FGF13: variants seen among roughly 807,000 people sequenced by gnomAD.
FGF13 encodes fibroblast growth factor homologous factor 2.
Under a neutral mutation model 19.5 loss-of-function variants are expected in FGF13, and 2 were observed. The observed-to-expected ratio is 0.10, with a 90% CI of 0.04 to 0.32. The LOEUF is 0.32. Ranked by LOEUF, FGF13 falls within the 10% of genes least tolerant of loss-of-function variation. The probability of loss-of-function intolerance (pLI) is 1.00; values close to 1 mark genes in which losing one functional copy is unlikely to be tolerated. For synonymous variants in FGF13, 72 were observed against 76.9 expected (o/e 0.94, Z 0.33); for missense variants, 113 against 192.7 (o/e 0.59, Z 2.45).
At chrX:138,799,170 C>A (rs1008751445) in intron 3 of FGF13, among the ~76,000 whole-genome samples, 2 of 111,704 alleles carry the variant, frequency 1.8e-5, no homozygotes, top group African/African-American at 6.5e-5. Context: ...GATTTTAGAT[C>A]TTTCCCACTT....
At chrX:139,070,040 C>T (rs1271394672) in intron 1 of FGF13, among the ~76,000 whole-genome samples, 1 of 111,850 alleles carries the variant, frequency 8.9e-6, no homozygotes, top group African/African-American at 3.3e-5. Context: ...AGAAGAAAAC[C>T]TAGGCAATAC....
At chrX:138,848,610 C>A (rs1052240687) in intron 3 of FGF13, among the ~76,000 whole-genome samples, 1 of 111,628 alleles carries the variant, frequency 9.0e-6, no homozygotes, top group East Asian at 2.8e-4. Context: ...AAACTAGTAA[C>A]TAAAAGTTGA....
chrX:138,960,250 G>A (rs1249738682), intron 1 of FGF13, among the ~76,000 whole-genome samples: 1 of 111,713 alleles, frequency 9.0e-6, no homozygotes, highest in Admixed American at 9.5e-5. Context: ...TTGCTTGTCT[G>A]TAAAGGATTT....
At chrX:138,792,323 G>A (rs1275148819) in intron 3 of FGF13, among the ~76,000 whole-genome samples, 1 of 112,163 alleles carries the variant, frequency 8.9e-6, no homozygotes. Flanking sequence ...TTCAGATTAG[G>A]AAACTAAGGT....
intron 3 of FGF13, among the ~76,000 whole-genome samples, chrX:138,680,388 A>G (rs1363050688): frequency 8.9e-6 from 1 of 112,029 alleles, no homozygotes; most frequent in Non-Finnish European, 1.9e-5. Context: ...TATGGCAGCT[A>G]TGGCCTTATG....
chrX:138,713,964 C>T (rs1006058948), upstream of FGF13, among the ~76,000 whole-genome samples: 1 of 111,444 alleles, frequency 9.0e-6, no homozygotes, highest in Non-Finnish European at 1.9e-5. Context: ...TTGTAGATGT[C>T]CTTCTTGCTC....
At chrX:138,789,633 A>G (rs1436299218) in intron 3 of FGF13, among the ~76,000 whole-genome samples, 2 of 111,106 alleles carry the variant, frequency 1.8e-5, no homozygotes, top group African/African-American at 6.6e-5. Context: ...TCTGGTATCT[A>G]GTTCCAAAGC....
At chrX:139,133,576 G>T (rs1036379724) in intron 1 of FGF13, among the ~76,000 whole-genome samples, 1 of 110,838 alleles carries the variant, frequency 9.0e-6, no homozygotes, top group Non-Finnish European at 1.9e-5. Flanking sequence ...TCACAACTAT[G>T]CAATTATAGT....
At chrX:138,929,918 T>C (rs906156569) in intron 1 of FGF13, among the ~76,000 whole-genome samples, 1 of 108,189 alleles carries the variant, frequency 9.2e-6, no homozygotes, top group Non-Finnish European at 1.9e-5. Context: ...TATCAAAAGA[T>C]TATAAAATCT....
intron 1 of FGF13, among the ~76,000 whole-genome samples, chrX:138,872,497 T>C (rs1487821423): frequency 8.9e-6 from 1 of 112,005 alleles, no homozygotes; most frequent in Non-Finnish European, 1.9e-5. Flanking sequence ...ACACCATTCT[T>C]GTTTCTGTCC....
intron 1 of FGF13, among the ~76,000 whole-genome samples, chrX:139,066,266 G>C (rs1472197700): frequency 1.8e-5 from 2 of 111,372 alleles, no homozygotes; most frequent in Non-Finnish European, 3.8e-5. Context: ...AAAAGAACTA[G>C]AGAAGGAAGA....
intron 2 of FGF13, 122 bp downstream of exon 2, chrX:138,708,696 T>C (rs1161528604): frequency 1.6e-5 from 8 of 497,642 alleles, no homozygotes; most frequent in Non-Finnish European, 2.8e-5. Flanking sequence ...AACAGGATTA[T>C]GTAGTGTGAA....
At chrX:139,083,869 T>TA (rs1162404250) in intron 1 of FGF13, among the ~76,000 whole-genome samples, 1 of 107,861 alleles carries the variant, frequency 9.3e-6, no homozygotes, top group East Asian at 2.9e-4. Context: ...CCTTCTCAAA[T>TA]AAAAAAATAA....
upstream of FGF13, chrX:139,204,772 C>G (rs940784503): frequency 8.8e-6 from 1 of 113,203 alleles, no homozygotes; most frequent in South Asian, 3.6e-4. Context: ...ACCGCAGAGT[C>G]GCGCAGCTTC....
chrX:138,884,598 A>G (rs1419192623), intron 1 of FGF13, among the ~76,000 whole-genome samples: 1 of 112,222 alleles, frequency 8.9e-6, no homozygotes, highest in African/African-American at 3.2e-5. Flanking sequence ...AAGTTGATAC[A>G]AGGAATATCT....
At chrX:139,185,730 T>C (rs1430133049) in intron 1 of FGF13, among the ~76,000 whole-genome samples, 1 of 111,885 alleles carries the variant, frequency 8.9e-6, no homozygotes, top group Non-Finnish European at 1.9e-5. Flanking sequence ...AGGTCTATTA[T>C]AAACACTAAA....
intron 3 of FGF13, among the ~76,000 whole-genome samples, chrX:138,656,320 G>A (rs2089437511): frequency 8.9e-6 from 1 of 111,808 alleles, no homozygotes. Context: ...AGAAATAGCT[G>A]ACATTTATTC....
intron 1 of FGF13, among the ~76,000 whole-genome samples, chrX:139,007,293 G>T (rs2092106415): frequency 9.0e-6 from 1 of 110,718 alleles, no homozygotes; most frequent in East Asian, 2.8e-4. Context: ...TTTGGCAAGA[G>T]GATACAATAA....
intron 2 of FGF13, among the ~76,000 whole-genome samples, chrX:138,708,220 C>T (rs777425115): frequency 7.1e-5 from 8 of 112,362 alleles, no homozygotes; most frequent in African/African-American, 2.3e-4. Context: ...GGAAATAAAA[C>T]CTAATTATTT....
Sources: allele counts gnomAD v4.1 joint callset (sites outside exome capture counted in the v4.1 genomes callset), GRCh38; gene constraint gnomAD v4.1.1; transcripts MANE v1.5; gene names NCBI Gene and HGNC (gene_info 2026-07-23, HGNC 2026-07-21).